GJA3: variants seen among roughly 807,000 people sequenced by gnomAD.
The protein encoded by GJA3 is gap junction alpha-3 protein.
For synonymous variants in GJA3, 297 were observed against 292.6 expected (o/e 1.02, Z -0.15); for missense variants, 571 against 620.3 (o/e 0.92, Z 0.84).
At chr13:20,153,657 T>C (rs1958891895) in intron 1 of GJA3, among the ~76,000 whole-genome samples, 2 of 151,974 alleles carry the variant, frequency 1.3e-5, no homozygotes, top group Admixed American at 1.3e-4. Flanking sequence ...GGGGAAGGGA[T>C]AGTATTAGGA....
chr13:20,150,323 A>C (rs891414485), intron 1 of GJA3, among the ~76,000 whole-genome samples: 3 of 151,948 alleles, frequency 2.0e-5, no homozygotes, highest in South Asian at 4.2e-4. Flanking sequence ...AGGCAGGACC[A>C]CGGAGCAAAG....
Position 20,142,128 on chromosome 13 carries a change from C to A in GJA3, c.1161G>T (p.Leu387=). The change falls in exon 2 of 2, where the codon CTG becomes CTT. Residue 387 remains leucine, a synonymous_variant. Coordinates refer to ENST00000241125, the MANE Select transcript of GJA3 (RefSeq NM_021954.4). ...GSGSSLEGSA[L]AGTPEEEEQA... ...GCTCCTCCTCCTCGGGGGTCCCTGC[C>A]AGGGCGCTCCCCTCCAGACTGCTGC... The A allele has an allele frequency of 6.5e-7, 1 of 1,543,394 alleles. No individual in the cohort carries two copies. Among genetic ancestry groups the A allele is most frequent in the Non-Finnish European group, 8.7e-7 (1 of 1,144,890 alleles).
At position 20,141,932 on chromosome 13, in the gene GJA3, T is replaced by C; in HGVS notation, c.*49A>G. 1 of 1,539,482 alleles carries C rather than the reference T, an allele frequency of 6.5e-7. No homozygotes were observed. On this transcript the variant is annotated 3_prime_UTR_variant, in exon 2 of 2. Coordinates refer to ENST00000241125, the MANE Select transcript of GJA3 (RefSeq NM_021954.4). ...TGGGAAGTGCACTTTGGTTTTGGTT[T>C]CTAAGAAAAAGATCACTACACAGCT...
At chr13:20,152,633 C>T (rs1958885343) in intron 1 of GJA3, among the ~76,000 whole-genome samples, 1 of 152,184 alleles carries the variant, frequency 6.6e-6, no homozygotes, top group South Asian at 2.1e-4. Context: ...ATTTGCCTGC[C>T]TTGGTCTCCC....
rs1958811557 is a variant in GJA3 at position 20,142,179 on chromosome 13, C to T, written c.1110G>A (p.Ala370=). The T allele has an allele frequency of 4.6e-6, 7 of 1,512,304 alleles. No individual in the cohort carries two copies. Among genetic ancestry groups the T allele is most frequent in the African/African-American group, 4.2e-5 (3 of 71,152 alleles). The allele number at this position is 1,512,304 out of a possible 1,614,324, so 93.7% of individuals were successfully genotyped here. The change falls in exon 2 of 2, where the codon GCG becomes GCA. Residue 370 remains alanine (A), a synonymous_variant. Coordinates refer to ENST00000241125, the MANE Select transcript of GJA3 (RefSeq NM_021954.4). Reference sequence around the variant, plus strand: ...CGCTCCCATCCAGCAGCAGGGGCGCCGCGCCCGCCTCAGCCTCGTGCGCGA... The same window carrying T: ...CGCTCCCATCCAGCAGCAGGGGCGCTGCGCCCGCCTCAGCCTCGTGCGCGA... ...PPLAHEAEAG[A]APLLLDGSGS... is the part of the protein sequence containing the mutation.
Position 20,142,196 on chromosome 13 carries a change from C to A in GJA3, c.1093G>T (p.Glu365Ter). ...AGGGGCGCCGCGCCCGCCTCAGCCT[C>A]GTGCGCGAGTGGCGGGGAGCTGCTG... is the stretch of plus-strand genomic sequence containing the variant. Reference protein sequence around the residue: ...VGSSSPPLAHEAEAGAAPLLL... With the variant: ...VGSSSPPLAH The change falls in exon 2 of 2, where the codon GAG becomes TAG. Residue 365 changes from glutamate (E) to a stop codon, truncating the protein, a stop_gained. Coordinates refer to ENST00000241125, the MANE Select transcript of GJA3 (RefSeq NM_021954.4). LOFTEE classifies it low-confidence loss of function (END_TRUNC). 1 of 1,519,488 alleles carries A rather than the reference C, an allele frequency of 6.6e-7. No individual in the cohort carries two copies. Among genetic ancestry groups the A allele is most frequent in the Non-Finnish European group, 8.8e-7 (1 of 1,136,156 alleles). 94.1% of individuals were successfully genotyped at this position (1,519,488 alleles called of 1,614,324 possible).
intron 1 of GJA3, among the ~76,000 whole-genome samples, chr13:20,145,547 AG>A (rs1318328094): frequency 6.6e-6 from 1 of 152,202 alleles, no homozygotes; most frequent in Non-Finnish European, 1.5e-5. Context: ...GGCTGGGACC[AG>A]GCCCCCAATG....
intron 1 of GJA3, among the ~76,000 whole-genome samples, chr13:20,144,581 A>G (rs1422644321): frequency 1.3e-5 from 2 of 152,160 alleles, no homozygotes; most frequent in Non-Finnish European, 2.9e-5. Flanking sequence ...CCCAGGCCCA[A>G]TTCAGCAAGT....
intron 1 of GJA3, among the ~76,000 whole-genome samples, chr13:20,150,854 C>G (rs925809440): frequency 1.3e-5 from 2 of 152,028 alleles, no homozygotes; most frequent in Non-Finnish European, 2.9e-5. Context: ...TTAGAGGGCC[C>G]AAAGGATGGA....
chr13:20,153,277 A>G (rs1958889111), intron 1 of GJA3, among the ~76,000 whole-genome samples: 1 of 152,234 alleles, frequency 6.6e-6, no homozygotes, highest in Non-Finnish European at 1.5e-5. Context: ...TGTTCAAGCA[A>G]GAGGAAAAGC....
intron 1 of GJA3, among the ~76,000 whole-genome samples, chr13:20,146,339 G>A (rs1958842603): frequency 6.6e-6 from 1 of 152,196 alleles, no homozygotes; most frequent in South Asian, 2.1e-4. Context: ...GGAAAGAACT[G>A]TCCCACCCCA....
In GJA3 at chr13:20,143,133, GAA is replaced by G; in HGVS notation, c.154_155del (p.Phe52HisfsTer273). ...EDVWGDEQSD[F>X]TCNTQQPGCE... is the part of the protein sequence containing the mutation. ...AGCCCGGCTGCTGGGTGTTGCAGGT[GAA>G]GTCTGACTGCTCATCGCCCCACACG... On this transcript the variant is annotated frameshift_variant, in exon 2 of 2. Transcript: ENST00000241125. LOFTEE classifies it low-confidence loss of function (END_TRUNC). The G allele has an allele frequency of 6.2e-7, 1 of 1,613,346 alleles. No homozygotes were observed.
At chr13:20,158,785 G>A (rs950291779) in intron 1 of GJA3, among the ~76,000 whole-genome samples, 5 of 151,964 alleles carry the variant, frequency 3.3e-5, no homozygotes, top group Middle Eastern at 3.4e-3. Flanking sequence ...GGTGGCGCAT[G>A]CCTGTAATCC....
intron 1 of GJA3, among the ~76,000 whole-genome samples, chr13:20,143,586 T>C (rs1958826150): frequency 3.9e-5 from 6 of 152,212 alleles, no homozygotes. Context: ...TCAAGCCCTC[T>C]CCCTGAGGCT....
At chr13:20,147,451 G>C (rs1040810821) in intron 1 of GJA3, among the ~76,000 whole-genome samples, 9 of 152,192 alleles carry the variant, frequency 5.9e-5, no homozygotes, top group Non-Finnish European at 1.0e-4. Context: ...GTAGCCATTA[G>C]ATGTAATTTT....
chr13:20,160,156 C>A (rs1958928725), intron 1 of GJA3, among the ~76,000 whole-genome samples: 1 of 152,086 alleles, frequency 6.6e-6, no homozygotes, highest in South Asian at 2.1e-4. Flanking sequence ...AAAGCAAATG[C>A]AGCCGCGTCA....
At chr13:20,154,992 AG>A (rs1958899631) in intron 1 of GJA3, among the ~76,000 whole-genome samples, 1 of 152,116 alleles carries the variant, frequency 6.6e-6, no homozygotes, top group Non-Finnish European at 1.5e-5. Flanking sequence ...CTGAGACTAC[AG>A]GCACACACCA....
rs1451402277 is a variant in GJA3, at chr13:20,139,414, G to C, written c.*2567C>G. On this transcript the variant is annotated 3_prime_UTR_variant, in exon 2 of 2. Coordinates refer to ENST00000241125, the MANE Select transcript of GJA3 (RefSeq NM_021954.4). ...AGGTCTGGAATCTTGCCCACAGAGA[G>C]AGGCAATTTCTATTTTTATTGCATG... 6.6e-6 allele frequency: 1 copy of C among 152,048 alleles called. No homozygotes were observed. The highest frequency in any genetic ancestry group is 1.5e-5 in the Non-Finnish European group (1 of 68,020). The allele number at this position is 152,048 out of a possible 1,614,324, so 9.4% of individuals were successfully genotyped here. A position where few individuals can be genotyped will look rare whatever the true frequency, so the allele number is the denominator to read the frequency against.
intron 1 of GJA3, among the ~76,000 whole-genome samples, chr13:20,154,665 G>A (rs531635628): frequency 2.0e-5 from 3 of 152,176 alleles, no homozygotes; most frequent in South Asian, 2.1e-4. Context: ...CATTGAGCAC[G>A]ATGTTTTAAT....
Sources: allele counts gnomAD v4.1 joint callset (sites outside exome capture counted in the v4.1 genomes callset), GRCh38; gene constraint gnomAD v4.1.1; transcripts MANE v1.5; gene names NCBI Gene and HGNC (gene_info 2026-07-23, HGNC 2026-07-21).